SAMD9: variants seen among roughly 807,000 people sequenced by gnomAD.
SAMD9 encodes the protein sterile alpha motif domain-containing protein 9.
In SAMD9, 3 loss-of-function variants were observed where a neutral mutation model predicts 1.5. The ratio of observed to expected loss-of-function variants is 2.05; its 90% CI spans 0.93 to 5.29. The LOEUF (loss-of-function observed/expected upper bound fraction) is 5.29, where lower values mean the gene tolerates loss of function less well. Ranked by LOEUF, SAMD9 falls within the 30% of genes most tolerant of loss-of-function variation. The pLI, the probability that SAMD9 is intolerant of heterozygous loss-of-function variation, is 0.02. For missense variants in SAMD9, 1,597 were observed against 1,820.8 expected (o/e 0.88, Z 2.24); for synonymous variants, 635 against 631.9 (o/e 1.00, Z -0.07).
At position 93,102,945 on chromosome 7, in the gene SAMD9, A is replaced by G; in HGVS notation, c.3153T>C (p.Phe1051=). 3 of 1,613,916 alleles carry G rather than the reference A, an allele frequency of 1.9e-6. No individual in the cohort carries two copies. The change falls in exon 3 of 3, where the codon TTT becomes TTC. Residue 1051 remains phenylalanine, a synonymous_variant. Coordinates refer to ENST00000379958, the MANE Select transcript of SAMD9 (RefSeq NM_017654.4). ...TATGTAATGCTTCAATAAATGGGGA[A>G]AACCAATTTCCTGTTTCACCTTCAT... ...DEHEGETGNW[F]SPFIEALHKD...
chr7:93,105,795 C>A lies in SAMD9; in HGVS notation c.303G>T (p.Val101=), dbSNP rs774068259. 4.3e-6 allele frequency: 7 copies of A among 1,614,130 alleles called. No individual in the cohort carries two copies. The East Asian group carries it at 1.6e-4, about 36-fold the overall frequency. ...AAGTTTCTCTACGTTCCTTTTGAGA[C>A]ACAGTTTGGTCTTTAGGAGCATTTT... ...PSKNAPKDQT[V]SQKERRETSK... Residue 101 remains valine, a synonymous_variant, in exon 3 of 3, where the codon GTG becomes GTT. Transcript: ENST00000379958.
At position 93,114,822 on chromosome 7, in the gene SAMD9, A is replaced by C. The variant is rs1185254164; in HGVS notation, c.-36T>G. On this transcript the variant is annotated 5_prime_UTR_variant, in exon 2 of 3. Transcript: ENST00000379958. ...AACTGACTCTAGAAGAAACCGAAGA[A>C]GTCTCACTTCCAGGGTGATGTAGGA... 1 of 152,246 alleles carries C rather than the reference A, an allele frequency of 6.6e-6. No individual in the cohort carries two copies. Among genetic ancestry groups the C allele is most frequent in the Non-Finnish European group, 1.5e-5 (1 of 68,040 alleles). The allele number at this position is 152,246 out of a possible 1,614,324, so 9.4% of individuals were successfully genotyped here. A position where few individuals can be genotyped will look rare whatever the true frequency, so the allele number is the denominator to read the frequency against.
Position 93,100,238 on chromosome 7 carries a change from C to T in SAMD9, c.*1090G>A, listed in dbSNP as rs1055488745. The T allele has an allele frequency of 9.9e-5, 15 of 152,048 alleles. No individual in the cohort carries two copies. Among genetic ancestry groups the T allele is most frequent in the African/African-American group, 3.4e-4 (14 of 41,470 alleles). 9.4% of individuals were successfully genotyped at this position (152,048 alleles called of 1,614,324 possible). ...TGTTAGTAGGATTTTTTTAAAATTT[C>T]TTTTGAATTGCAAATAAGATCCAGA... On this transcript the variant is annotated 3_prime_UTR_variant, in exon 3 of 3. Transcript: ENST00000379958.
At chr7:93,108,824 C>T (rs1321774716) in intron 2 of SAMD9, among the ~76,000 whole-genome samples, 2 of 152,168 alleles carry the variant, frequency 1.3e-5, no homozygotes, top group Non-Finnish European at 2.9e-5. Context: ...GGGTGGAGCC[C>T]ACAGCAGCTC....
chr7:93,107,937 T>C (rs1791672473), intron 2 of SAMD9, among the ~76,000 whole-genome samples: 1 of 152,190 alleles, frequency 6.6e-6, no homozygotes, highest in Non-Finnish European at 1.5e-5. Flanking sequence ...AATTATTTCT[T>C]ACAACTACAT....
rs754591162 is a variant in SAMD9, at chr7:93,101,563, C to T, written c.4535G>A (p.Trp1512Ter). 6 of 1,613,846 alleles carry T rather than the reference C, an allele frequency of 3.7e-6. No individual in the cohort carries two copies. In the South Asian group the frequency reaches 6.6e-5, roughly 18 times the overall value. Reference sequence around the variant, plus strand: ...CTCCTTCCACACATCTCCACTCTGCCACAAGGAATTAATATCTGGTGTCTT... The same window carrying T: ...CTCCTTCCACACATCTCCACTCTGCTACAAGGAATTAATATCTGGTGTCTT... ...FKKTPDINSL[W>*]QSGDVWKEEK... The change falls in exon 3 of 3, where the codon TGG becomes TAG. Residue 1512 changes from tryptophan to a stop codon, truncating the protein, a stop_gained. Transcript: ENST00000379958. LOFTEE classifies it low-confidence loss of function (END_TRUNC).
Position 93,105,754 on chromosome 7 carries a change from T to G in SAMD9, c.344A>C (p.Lys115Thr), listed in dbSNP as rs765384658. The change falls in exon 3 of 3, where the codon AAG becomes ACG. Residue 115 changes from lysine to threonine, a missense_variant. Physicochemically the swap from Lys to Thr is moderately conservative, Grantham distance 78. Around this residue, in one of 6 missense-constraint regions of SAMD9, gnomAD observed 498 missense variants for 457.4 expected, o/e 1.09. Transcript: ENST00000379958. Reference protein sequence around the residue: ...ERRETSKQKQKGKENPDMANP... With the variant: ...ERRETSKQKQTGKENPDMANP... Reference sequence around the variant, plus strand: ...AGCCATATCTGGGTTCTCTTTACCCTTTTGTTTTTGCTTTGAAGTTTCTCT... The same window carrying G: ...AGCCATATCTGGGTTCTCTTTACCCGTTTGTTTTTGCTTTGAAGTTTCTCT... 3 of 1,614,038 alleles carry G rather than the reference T, an allele frequency of 1.9e-6. No individual in the cohort carries two copies. Among genetic ancestry groups the G allele is most frequent in the Non-Finnish European group, 2.5e-6 (3 of 1,179,998 alleles).
intron 2 of SAMD9, among the ~76,000 whole-genome samples, 194 bp downstream of exon 2, chr7:93,114,601 A>G (rs938892733): frequency 6.6e-6 from 1 of 152,204 alleles, no homozygotes; most frequent in African/African-American, 2.4e-5. Flanking sequence ...ATGACAAGAG[A>G]GACTCAGTGA....
chr7:93,107,262 G>T (rs1455012103), intron 2 of SAMD9, among the ~76,000 whole-genome samples: 1 of 151,994 alleles, frequency 6.6e-6, no homozygotes, highest in South Asian at 2.1e-4. Flanking sequence ...TCTTAATTTT[G>T]TCTGTGAGCT....
Position 93,105,255 on chromosome 7 carries a change from C to G in SAMD9, c.843G>C (p.Lys281Asn), listed in dbSNP as rs1791615248. ...YFEDHQVQQA[K>N]KCIREPRFVE... ...CAAATCTTGGCTCTCGAATGCACTTCTTTGCTTGTTGGACTTGATGGTCTT... is the reference window on the plus strand; with the variant it reads ...CAAATCTTGGCTCTCGAATGCACTTGTTTGCTTGTTGGACTTGATGGTCTT... The change falls in exon 3 of 3, where the codon AAG becomes AAC. Residue 281 changes from lysine (K) to asparagine (N), a missense_variant. Around this residue, in one of 6 missense-constraint regions of SAMD9, gnomAD observed 498 missense variants for 457.4 expected, o/e 1.09. Coordinates refer to ENST00000379958, the MANE Select transcript of SAMD9 (RefSeq NM_017654.4). 6.2e-7 allele frequency: 1 copy of G among 1,613,860 alleles called. No individual in the cohort carries two copies. Among genetic ancestry groups the G allele is most frequent in the African/African-American group, 1.3e-5 (1 of 74,996 alleles).
At position 93,101,655 on chromosome 7, in the gene SAMD9, G is replaced by A. The variant is rs765647961; in HGVS notation, c.4443C>T (p.Phe1481=). The change falls in exon 3 of 3, where the codon TTC becomes TTT. Residue 1481 remains phenylalanine, a synonymous_variant. Coordinates refer to ENST00000379958, the MANE Select transcript of SAMD9 (RefSeq NM_017654.4). ...CCAGTCTTTTACCTTTTCCAAGAAA[G>A]AAATATGCAATTGGTTGCTTTGTAC... is the stretch of plus-strand genomic sequence containing the variant. The part of the protein sequence containing the change: ...MHRTKQPIAY[F]FLGKGKRLER... 6.8e-6 allele frequency: 11 copies of A among 1,613,792 alleles called. 1 individual carries two copies. The South Asian group carries it at 1.2e-4, about 18-fold the overall frequency.
chr7:93,115,508 T>C (rs1319357421), intron 1 of SAMD9, among the ~76,000 whole-genome samples: 1 of 152,176 alleles, frequency 6.6e-6, no homozygotes, highest in Non-Finnish European at 1.5e-5. Context: ...TAATCTGTCA[T>C]AGAAGTCAGA....
Position 93,102,042 on chromosome 7 carries a change from G to C in SAMD9, c.4056C>G (p.Ile1352Met). ...TGCTTATAGCATCCTCTTGACTTTTGATAAGATATTCCAAGAGCCCAGAAA... is the reference window on the plus strand; with the variant it reads ...TGCTTATAGCATCCTCTTGACTTTTCATAAGATATTCCAAGAGCCCAGAAA... ...DKFSGLLEYLIKSQEDAISTM... is the reference protein window; with the variant it reads ...DKFSGLLEYLMKSQEDAISTM... The change falls in exon 3 of 3, where the codon ATC becomes ATG. Residue 1352 changes from isoleucine (I) to methionine (M), a missense_variant. By Grantham distance (10) the Ile-to-Met change is conservative. This residue lies in a region of SAMD9 where 682 missense variants were observed against 810.0 expected (regional missense o/e 0.84). Transcript: ENST00000379958. 1.2e-6 allele frequency: 2 copies of C among 1,613,152 alleles called. No individual in the cohort carries two copies. The highest frequency in any genetic ancestry group is 1.7e-6 in the Non-Finnish European group (2 of 1,179,678).
Position 93,100,876 on chromosome 7 carries a change from T to C in SAMD9, c.*452A>G, listed in dbSNP as rs1584250914. The stretch of plus-strand genomic sequence containing the variant: ...GAGTGCCAAGCACATGATACATTGA[T>C]GATCTGCTTAGTAAGAATAAATGTT... On this transcript the variant is annotated 3_prime_UTR_variant, in exon 3 of 3. Transcript: ENST00000379958. The C allele has an allele frequency of 4.9e-6, 1 of 202,914 alleles. No individual in the cohort carries two copies. The highest frequency in any genetic ancestry group is 1.3e-4 in the East Asian group (1 of 7,922). 12.6% of individuals were successfully genotyped at this position (202,914 alleles called of 1,614,324 possible). A position where few individuals can be genotyped will look rare whatever the true frequency, so the allele number is the denominator to read the frequency against.
intron 1 of SAMD9, among the ~76,000 whole-genome samples, chr7:93,115,609 T>A (rs1023093323): frequency 1.3e-5 from 2 of 152,178 alleles, no homozygotes; most frequent in Non-Finnish European, 2.9e-5. Flanking sequence ...TAAGTACATA[T>A]TAAAATTTCA....
chr7:93,105,752 C>A lies in SAMD9; in HGVS notation c.346G>T (p.Gly116Cys), dbSNP rs763877299. 4 of 1,613,854 alleles carry A rather than the reference C, an allele frequency of 2.5e-6. No individual in the cohort carries two copies. The highest frequency in any genetic ancestry group is 3.4e-6 in the Non-Finnish European group (4 of 1,180,002). The change falls in exon 3 of 3, where the codon GGT becomes TGT. Residue 116 changes from glycine (G) to cysteine (C), a missense_variant. By Grantham distance (159) the Gly-to-Cys change is radical (BLOSUM62 -3). Around this residue, in one of 6 missense-constraint regions of SAMD9, gnomAD observed 498 missense variants for 457.4 expected, o/e 1.09. Coordinates refer to ENST00000379958, the MANE Select transcript of SAMD9 (RefSeq NM_017654.4). Reference protein sequence around the residue: ...RRETSKQKQKGKENPDMANPS... With the variant: ...RRETSKQKQKCKENPDMANPS... Reference sequence around the variant, plus strand: ...TTAGCCATATCTGGGTTCTCTTTACCCTTTTGTTTTTGCTTTGAAGTTTCT... The same window carrying A: ...TTAGCCATATCTGGGTTCTCTTTACACTTTTGTTTTTGCTTTGAAGTTTCT...
chr7:93,114,504 T>A (rs1791802859), intron 2 of SAMD9, among the ~76,000 whole-genome samples: 2 of 151,636 alleles, frequency 1.3e-5, no homozygotes. Flanking sequence ...GTTTAATAAA[T>A]TGAAAGAAGA....
chr7:93,109,224 C>G (rs890758120), intron 2 of SAMD9, among the ~76,000 whole-genome samples: 4 of 152,160 alleles, frequency 2.6e-5, no homozygotes, highest in African/African-American at 9.7e-5. Context: ...TCCAACAGAC[C>G]TGCAGCTGAG....
chr7:93,106,966 A>G (rs901738198), intron 2 of SAMD9, among the ~76,000 whole-genome samples: 6 of 152,212 alleles, frequency 3.9e-5, no homozygotes, highest in African/African-American at 1.4e-4. Context: ...CAACTCAGGT[A>G]ATGAGATCCT....
Sources: allele counts gnomAD v4.1 joint callset (sites outside exome capture counted in the v4.1 genomes callset), GRCh38; gene constraint gnomAD v4.1.1; regional missense constraint gnomAD v4.1.1; transcripts MANE v1.5; gene names NCBI Gene and HGNC (gene_info 2026-07-23, HGNC 2026-07-21).